The following ZFP64 variants were observed in gnomAD, a reference collection of about 807,000 sequenced individuals.
ZFP64 encodes the protein ZFP64 zinc finger protein.
ZFP64 carries 14 observed loss-of-function variants against 51.6 expected under a neutral mutation model. That is an observed-to-expected ratio of 0.27 (90% CI 0.18 to 0.42). The LOEUF (loss-of-function observed/expected upper bound fraction) is 0.42. Among genes scored for constraint, ZFP64 ranks in the 10% least tolerant of loss-of-function variants. The pLI is 1.00. For missense variants in ZFP64, 754 were observed against 906.8 expected (o/e 0.83, Z 2.16); for synonymous variants, 375 against 361.4 (o/e 1.04, Z -0.43).
At chr20:52,142,839 C>CAAAAAAAAAAAAAAAA (rs386393987) in intron 5 of ZFP64, among the ~76,000 whole-genome samples, 4 of 55,044 alleles carry the variant, frequency 7.3e-5, no homozygotes, top group Non-Finnish European at 1.1e-4. Context: ...GACTCCATCT[C>CAAAAAAAAAAAAAAAA]AAAAAAAAAA....
chr20:52,170,501 G>T (rs577773403), intron 2 of ZFP64, among the ~76,000 whole-genome samples: 4 of 152,172 alleles, frequency 2.6e-5, no homozygotes, highest in Non-Finnish European at 5.9e-5. Flanking sequence ...GCACCCAGGT[G>T]CAGGGATCAT....
intron 4 of ZFP64, among the ~76,000 whole-genome samples, chr20:52,164,373 G>A (rs1251366001): frequency 6.6e-6 from 1 of 152,004 alleles, no homozygotes; most frequent in African/African-American, 2.4e-5. Context: ...GAACTCGTAG[G>A]GTCATCTCCT....
At chr20:52,132,086 A>T (rs1350657898) in intron 5 of ZFP64, among the ~76,000 whole-genome samples, 15 of 152,218 alleles carry the variant, frequency 9.9e-5, no homozygotes, top group Non-Finnish European at 1.5e-5. Flanking sequence ...AAACTATACA[A>T]ATACCTGGAA....
chr20:52,111,848 G>T (rs1017006934), intron 5 of ZFP64, among the ~76,000 whole-genome samples: 2 of 151,982 alleles, frequency 1.3e-5, no homozygotes, highest in East Asian at 3.9e-4. Flanking sequence ...TTGGGAGGCT[G>T]AGGCGGGTGG....
chr20:52,105,131 C>T (rs1387063824), intron 5 of ZFP64: 12 of 1,423,410 alleles, frequency 8.4e-6, no homozygotes, highest in Non-Finnish European at 1.1e-5. Flanking sequence ...GCGCTACTCA[C>T]CCGGCTCCCC....
chr20:52,186,071 C>T (rs1983941860), intron 2 of ZFP64, among the ~76,000 whole-genome samples: 1 of 152,114 alleles, frequency 6.6e-6, no homozygotes, highest in Non-Finnish European at 1.5e-5. Flanking sequence ...AGGGGGTGGT[C>T]CACAACCTGC....
chr20:52,129,978 T>TC (rs1979645925), intron 5 of ZFP64, among the ~76,000 whole-genome samples: 1 of 152,106 alleles, frequency 6.6e-6, no homozygotes, highest in Non-Finnish European at 1.5e-5. Context: ...TGCTCACTCT[T>TC]CCCTGGCCAC....
At chr20:52,165,118 G>C in intron 3 of ZFP64, 1 of 468,122 alleles carries the variant, frequency 2.1e-6, no homozygotes, top group South Asian at 1.5e-5. Flanking sequence ...TGCAATTAGT[G>C]ATCACTGGTT....
intron 2 of ZFP64, chr20:52,175,978 A>G: frequency 1.0e-6 from 1 of 985,396 alleles, no homozygotes; most frequent in Non-Finnish European, 1.2e-6. Context: ...ACCGGCCCAA[A>G]TGTCCCTCCC....
intron 2 of ZFP64, among the ~76,000 whole-genome samples, chr20:52,167,880 AGGCTCCAGGTGCTAG>A: frequency 2.6e-5 from 4 of 152,226 alleles, no homozygotes; most frequent in Non-Finnish European, 5.9e-5. Flanking sequence ...TCCATGCCAC[AGGCTCCAGGTGCTAG>A]TTTGTTTTCT....
At chr20:52,186,764 AG>A in intron 2 of ZFP64, 67 bp downstream of exon 2, 23 of 1,524,770 alleles carry the variant, frequency 1.5e-5, no homozygotes, top group Non-Finnish European at 1.9e-5. Context: ...ATTTTTAACA[AG>A]TTCCATGGAC....
intron 5 of ZFP64, among the ~76,000 whole-genome samples, chr20:52,130,845 G>T (rs1305593604): frequency 6.6e-6 from 1 of 152,120 alleles, no homozygotes; most frequent in Non-Finnish European, 1.5e-5. Flanking sequence ...GGAGGCTGAG[G>T]CGGGTAGATC....
intron 1 of ZFP64, among the ~76,000 whole-genome samples, chr20:52,188,846 C>G (rs948498401): frequency 2.6e-5 from 4 of 151,886 alleles, no homozygotes; most frequent in Non-Finnish European, 5.9e-5. Flanking sequence ...CGTGGTGGCA[C>G]ACACCTGTAA....
chr20:52,113,271 T>C lies in ZFP64; in HGVS notation c.764-14684A>G, dbSNP rs1312474291. On this transcript the variant is annotated intron_variant, in intron 5 of 8. Transcript: ENST00000361387. ...ATGACGTGAACCCGGGAGGCGGAGC[T>C]TGCAGTGAGCCGCGAATGCGCCACT... 2.0e-5 allele frequency among the ~76,000 whole-genome samples: 3 copies of C among 151,704 alleles called. No homozygotes were observed. The East Asian group carries it at 5.9e-4, about 30-fold the overall frequency.
At chr20:52,170,551 C>T (rs891653081) in intron 2 of ZFP64, among the ~76,000 whole-genome samples, 4 of 152,158 alleles carry the variant, frequency 2.6e-5, no homozygotes, top group African/African-American at 7.2e-5. Flanking sequence ...GCGAGTCATC[C>T]CAAAGTAGAT....
In ZFP64 at chr20:52,098,698, A is replaced by AT. The variant is rs112747720; in HGVS notation, c.764-112dup. 2.7e-3 allele frequency: 3,957 copies of AT among 1,448,516 alleles called. 97 individuals are homozygous for AT. In the African/African-American group the frequency reaches 0.048, roughly 18 times the overall value. 89.7% of individuals were successfully genotyped at this position (1,448,516 alleles called of 1,614,324 possible). On this transcript the variant is annotated intron_variant, in intron 5 of 8. Coordinates refer to the ZFP64 transcript ENST00000361387. ...ACCTCCCTTCACCTTTCCAGAAAAAATTTAAAAAAAATGAAAGCCATGTGA... is the reference window on the plus strand; with the variant it reads ...ACCTCCCTTCACCTTTCCAGAAAAAATTTTAAAAAAAATGAAAGCCATGTGA...
chr20:52,152,477 G>T lies in ZFP64; in HGVS notation c.1715C>A (p.Thr572Asn). The T allele has an allele frequency of 6.2e-7, 1 of 1,612,838 alleles. No individual in the cohort carries two copies. Among genetic ancestry groups the T allele is most frequent in the Non-Finnish European group, 8.5e-7 (1 of 1,179,608 alleles). The part of the protein sequence containing the change: ...GAMTQPAVLL[T>N]THEQTDGATL... ...GGCTCCGTCCGTCTGCTCGTGGGTG[G>T]TCAGCAGGACAGCCGGCTGGGTCAT... The change falls in exon 6 of 6, where the codon ACC becomes AAC. Residue 572 changes from threonine to asparagine, a missense_variant. Transcript: ENST00000216923.
chr20:52,119,882 G>A (rs1979092893), intron 5 of ZFP64, among the ~76,000 whole-genome samples: 1 of 152,066 alleles, frequency 6.6e-6, no homozygotes, highest in Admixed American at 6.6e-5. Context: ...GTGGGGAGGA[G>A]GTGTGAAGGG....
chr20:52,140,866 C>T (rs2122910817), intron 5 of ZFP64, among the ~76,000 whole-genome samples: 1 of 152,274 alleles, frequency 6.6e-6, no homozygotes, highest in African/African-American at 2.4e-5. Flanking sequence ...GGCTTCAAAG[C>T]TTCAAAGGAT....
Sources: gnomAD v4.1 joint callset for allele counts (sites outside exome capture counted in the v4.1 genomes callset) on GRCh38, gnomAD v4.1.1 for gene constraint, MANE v1.5 for transcripts, NCBI Gene and HGNC (gene_info 2026-07-23, HGNC 2026-07-21) for gene names.